KHNYN: variants seen among roughly 807,000 people sequenced by gnomAD.
The protein encoded by KHNYN is KH and NYN domain containing.
KHNYN carries 42 observed loss-of-function variants against 62.7 expected under a neutral mutation model. That is an observed-to-expected ratio of 0.67 (90% CI 0.52 to 0.87). The LOEUF (loss-of-function observed/expected upper bound fraction) is 0.87. KHNYN is among the 40% of genes least tolerant of loss of function. KHNYN has a pLI of 0.00. For synonymous variants in KHNYN, 347 were observed against 345.6 expected (o/e 1.00, Z -0.04); for missense variants, 829 against 874.1 (o/e 0.95, Z 0.65).
At chr14:24,428,076 T>C (rs1474054601), upstream of KHNYN, 27 of 1,427,958 alleles carry the variant, frequency 1.9e-5, no homozygotes, top group Non-Finnish European at 2.6e-5. Flanking sequence ...GGAAGCTGGG[T>C]TTTAATGGGC....
At chr14:24,428,896 T>C (rs1049700957), upstream of KHNYN, 3 of 1,583,476 alleles carry the variant, frequency 1.9e-6, no homozygotes, top group African/African-American at 4.1e-5. Context: ...CTGCAGCAGC[T>C]CGGCCAGGCT....
In KHNYN at chr14:24,437,103, G is replaced by C; in HGVS notation, c.1855G>C (p.Gly619Arg). The change falls in exon 8 of 8, where the codon GGG becomes CGG. Residue 619 changes from glycine (G) to arginine (R), a missense_variant. Physicochemically the swap from Gly to Arg is moderately radical, Grantham distance 125. Coordinates refer to ENST00000553935, the MANE Select transcript of KHNYN (RefSeq NM_015299.3). This position sits in a 1 kb window ranked among gnomAD's most constrained non-coding sequence, Gnocchi z 5.5. ...GFAEHGKQQQ[G>R]REEEKGSGGI... ...TGCAGAACATGGTAAACAGCAGCAG[G>C]GGAGAGAAGAGGAAAAAGGTAGTGG... The C allele has an allele frequency of 6.2e-7, 1 of 1,614,218 alleles. No individual in the cohort carries two copies. The highest frequency in any genetic ancestry group is 8.5e-7 in the Non-Finnish European group (1 of 1,180,040).
At position 24,441,347 on chromosome 14, in the gene KHNYN, G is replaced by C. The variant is rs1341531316; in HGVS notation, c.*4062G>C. On this transcript the variant is annotated 3_prime_UTR_variant, in exon 8 of 8. Coordinates refer to ENST00000553935, the MANE Select transcript of KHNYN (RefSeq NM_015299.3). The stretch of plus-strand genomic sequence containing the variant: ...ATAAGCATAAAACACTTCAAATAGT[G>C]GCTGGTGTGTATAATTGTTTGCAAT... 4 of 459,894 alleles carry C rather than the reference G, an allele frequency of 8.7e-6. No individual in the cohort carries two copies. The highest frequency in any genetic ancestry group is 7.9e-5 in the African/African-American group (4 of 50,828). The allele number at this position is 459,894 out of a possible 1,614,324, so 28.5% of individuals were successfully genotyped here. A position where few individuals can be genotyped will look rare whatever the true frequency, so the allele number is the denominator to read the frequency against.
Position 24,438,142 on chromosome 14 carries a change from G to T in KHNYN, c.*857G>T, listed in dbSNP as rs1268891849. 1 of 152,622 alleles carries T rather than the reference G, an allele frequency of 6.6e-6. No individual in the cohort carries two copies. The highest frequency in any genetic ancestry group is 1.5e-5 in the Non-Finnish European group (1 of 68,054). 9.5% of individuals were successfully genotyped at this position (152,622 alleles called of 1,614,324 possible). Reference sequence around the variant, plus strand: ...TCCAAAATCTACATTTACACAGTAGGTAAATTAGGGATGACTGCATTATCA... The same window carrying T: ...TCCAAAATCTACATTTACACAGTAGTTAAATTAGGGATGACTGCATTATCA... On this transcript the variant is annotated 3_prime_UTR_variant, in exon 8 of 8. Coordinates refer to ENST00000553935, the MANE Select transcript of KHNYN (RefSeq NM_015299.3).
chr14:24,440,870 A>T lies in KHNYN; in HGVS notation c.*3585A>T, dbSNP rs11538184. 0.017 allele frequency: 27,122 copies of T among 1,613,950 alleles called. 300 individuals carry two copies. The highest frequency in any genetic ancestry group is 0.02 in the Non-Finnish European group (23,842 of 1,179,848). The stretch of plus-strand genomic sequence containing the variant: ...GTTACGAGGTTGGAGAAAAAGTCAA[A>T]GTCCCCTCCTGGGCTGTCTTCATCA... On this transcript the variant is annotated 3_prime_UTR_variant, in exon 8 of 8. Transcript: ENST00000553935.
At chr14:24,433,104 G>A (rs2043150105) in intron 5 of KHNYN, 72 bp downstream of exon 5, 3 of 1,374,294 alleles carry the variant, frequency 2.2e-6, no homozygotes, top group Admixed American at 1.7e-5. Flanking sequence ...AGAGAGAAAA[G>A]CTCCTGGTGG....
upstream of KHNYN, chr14:24,428,050 C>A: frequency 2.0e-6 from 3 of 1,525,448 alleles, no homozygotes; most frequent in Non-Finnish European, 2.7e-6. Flanking sequence ...CCCACTTTCC[C>A]AGGAGCTTCC....
rs769878896 is a variant in KHNYN at position 24,440,422 on chromosome 14, GC to G, written c.*3143del. On this transcript the variant is annotated 3_prime_UTR_variant, in exon 8 of 8. Coordinates refer to ENST00000553935, the MANE Select transcript of KHNYN (RefSeq NM_015299.3). Reference sequence around the variant, plus strand: ...AGAATTGGTGGCCTGAGCCGATGGGGCCCCCCAGGCCCAGGCGAAAGGGCAG... The same window carrying G: ...AGAATTGGTGGCCTGAGCCGATGGGGCCCCCAGGCCCAGGCGAAAGGGCAG... The G allele has an allele frequency of 2.4e-3, 3,902 of 1,612,952 alleles. 8 individuals are homozygous for G. Among genetic ancestry groups the G allele is most frequent in the Non-Finnish European group, 3.1e-3 (3,640 of 1,179,438 alleles).
At chr14:24,436,299 G>A (rs2043203323) in intron 6 of KHNYN, 89 bp from the exon 7 acceptor site, 5 of 1,421,528 alleles carry the variant, frequency 3.5e-6, no homozygotes, top group Non-Finnish European at 2.0e-6. Context: ...GAAGGATGGA[G>A]CCAGCAGCTT....
At position 24,432,594 on chromosome 14, in the gene KHNYN, A is replaced by G; in HGVS notation, c.1333A>G (p.Ser445Gly). The G allele has an allele frequency of 6.2e-7, 1 of 1,606,906 alleles. No individual in the cohort carries two copies. The highest frequency in any genetic ancestry group is 1.1e-5 in the South Asian group (1 of 90,664). ...PDLRHIVIDG[S>G]NVAMVHGLQH... Reference sequence around the variant, plus strand: ...CCTCCGCCATATTGTCATTGACGGCAGCAACGTGGCCATGGTGTGAGTACC... The same window carrying G: ...CCTCCGCCATATTGTCATTGACGGCGGCAACGTGGCCATGGTGTGAGTACC... The change falls in exon 3 of 8, where the codon AGC becomes GGC. Residue 445 changes from serine to glycine, a missense_variant. By Grantham distance (56) the Ser-to-Gly change is moderately conservative. Around this residue, in one of 2 missense-constraint regions of KHNYN, gnomAD observed 270 missense variants for 347.1 expected, o/e 0.78. Coordinates refer to ENST00000553935, the MANE Select transcript of KHNYN (RefSeq NM_015299.3). This position sits in a 1 kb window ranked among gnomAD's most constrained non-coding sequence, Gnocchi z 5.6.
rs370209428 is a variant in KHNYN at position 24,440,429 on chromosome 14, A to G, written c.*3144A>G. 1.9e-6 allele frequency: 3 copies of G among 1,612,496 alleles called. No individual in the cohort carries two copies. Among genetic ancestry groups the G allele is most frequent in the Non-Finnish European group, 2.5e-6 (3 of 1,179,312 alleles). ...GTGGCCTGAGCCGATGGGGCCCCCC[A>G]GGCCCAGGCGAAAGGGCAGCAGCAT... On this transcript the variant is annotated 3_prime_UTR_variant, in exon 8 of 8. Coordinates refer to ENST00000553935, the MANE Select transcript of KHNYN (RefSeq NM_015299.3).
At chr14:24,434,645 C>T (rs917406785) in intron 5 of KHNYN, among the ~76,000 whole-genome samples, 2 of 152,130 alleles carry the variant, frequency 1.3e-5, no homozygotes, top group Admixed American at 1.3e-4. Flanking sequence ...CCTCATGATC[C>T]GCCCACCTCA....
At chr14:24,423,679 T>C in the KHNYN span, among the ~76,000 whole-genome samples, 2 of 152,332 alleles carry the variant, frequency 1.3e-5, no homozygotes, top group African/African-American at 4.8e-5. Context: ...AGTGAAGAGT[T>C]AGAGGATTGA....
upstream of KHNYN, chr14:24,427,870 C>T (rs754387052): frequency 1.2e-5 from 20 of 1,614,008 alleles, no homozygotes; most frequent in Admixed American, 1.3e-4. The surrounding 1 kb of genome is among the most constrained non-coding windows in gnomAD (Gnocchi z 4.4). Context: ...GGCGCAGAGA[C>T]ACTCGGTCCC....
chr14:24,430,081 C>A lies in KHNYN; in HGVS notation c.-56C>A. 9.1e-6 allele frequency: 9 copies of A among 985,460 alleles called. No individual in the cohort carries two copies. Among genetic ancestry groups the A allele is most frequent in the Non-Finnish European group, 1.1e-5 (9 of 830,104 alleles). 61.0% of individuals were successfully genotyped at this position (985,460 alleles called of 1,614,324 possible). A position where few individuals can be genotyped will look rare whatever the true frequency, so the allele number is the denominator to read the frequency against. ...GCGGGCAAAGCGGGGGCCTGGCGGG[C>A]GCTGAGAGGACCTGAAGCCGGCGCG... On this transcript the variant is annotated 5_prime_UTR_variant, in exon 1 of 8. Coordinates refer to ENST00000553935, the MANE Select transcript of KHNYN (RefSeq NM_015299.3).
At chr14:24,429,684 G>C, upstream of KHNYN, 1 of 985,128 alleles carries the variant, frequency 1.0e-6, no homozygotes. Context: ...CTCTTTGGTC[G>C]GCCACATCTT....
chr14:24,430,294 G>A, intron 1 of KHNYN, 175 bp downstream of exon 1: 3 of 676,008 alleles, frequency 4.4e-6, no homozygotes, highest in Non-Finnish European at 5.5e-6. Context: ...GGCTGGGGGA[G>A]GGGTGGGAGT....
At position 24,432,896 on chromosome 14, in the gene KHNYN, T is replaced by A. The variant is rs892615966; in HGVS notation, c.1481-40T>A. On this transcript the variant is annotated intron_variant, in intron 4 of 7. Transcript: ENST00000553935. This position sits in a 1 kb window ranked among gnomAD's most constrained non-coding sequence, Gnocchi z 5.6. Reference sequence around the variant, plus strand: ...TCAGTGTCCCAGGATAGGCTCTGTTTCCACTTTGAGGAGAACCCTATTATG... The same window carrying A: ...TCAGTGTCCCAGGATAGGCTCTGTTACCACTTTGAGGAGAACCCTATTATG... 6 of 1,614,104 alleles carry A rather than the reference T, an allele frequency of 3.7e-6. No homozygotes were observed. The African/African-American group carries it at 6.7e-5, about 18-fold the overall frequency.
intron 6 of KHNYN, 75 bp downstream of exon 6, chr14:24,436,254 G>T: frequency 6.8e-7 from 1 of 1,469,462 alleles, no homozygotes; most frequent in East Asian, 2.3e-5. Flanking sequence ...TCTGGCCATG[G>T]GGTGAAAACT....
Sources: allele counts gnomAD v4.1 joint callset (sites outside exome capture counted in the v4.1 genomes callset), GRCh38; gene constraint gnomAD v4.1.1; regional missense constraint gnomAD v4.1.1; non-coding constraint Gnocchi (gnomAD v3.1); transcripts MANE v1.5; gene names NCBI Gene and HGNC (gene_info 2026-07-23, HGNC 2026-07-21).